Variants in CCDC7 observed in about 807,000 individuals in gnomAD.
CCDC7 encodes the protein coiled-coil domain-containing protein 7.
A neutral mutation model predicts 196.9 loss-of-function variants in CCDC7; 183 were observed. The ratio of observed to expected loss-of-function variants is 0.93; its 90% confidence interval spans 0.82 to 1.05. The LOEUF is 1.05. Among genes scored for constraint, CCDC7 ranks in the 50% least tolerant of loss-of-function variants. CCDC7 has a pLI of 0.00. For missense variants in CCDC7, 1,540 were observed against 1,482.2 expected (o/e 1.04, Z -0.64); for synonymous variants, 525 against 484.6 (o/e 1.08, Z -1.10).
chr10:32,729,130 C>T, intron 27 of CCDC7, 133 bp downstream of exon 28: 2 of 810,522 alleles, frequency 2.5e-6, no homozygotes, highest in Non-Finnish European at 1.9e-6. Flanking sequence ...TGTGAATACC[C>T]TATGATAACT....
intron 19 of CCDC7, among the ~76,000 whole-genome samples, 165 bp from the exon 21 acceptor site, chr10:32,634,892 C>CCA (rs201600634): frequency 0.017 from 2,594 of 152,290 alleles, 34 homozygotes; most frequent in South Asian, 0.038. Flanking sequence ...AAGATTGCCT[C>CCA]CACACATGAG....
chr10:32,574,667 C>A, intron 16 of CCDC7: 1 of 326,792 alleles, frequency 3.1e-6, no homozygotes, highest in African/African-American at 2.2e-5. Context: ...GCGTTGTTAG[C>A]TTTTCTTAAA....
At chr10:32,859,533 C>G (rs189168385) in intron 41 of CCDC7, among the ~76,000 whole-genome samples, 3 of 151,852 alleles carry the variant, frequency 2.0e-5, no homozygotes, top group African/African-American at 7.3e-5. Context: ...GCGAACAAAT[C>G]CAAAAGCTAG....
intron 11 of CCDC7, among the ~76,000 whole-genome samples, chr10:32,528,420 C>T (rs553877411): frequency 8.2e-5 from 12 of 147,112 alleles, no homozygotes; most frequent in South Asian, 6.9e-4. Flanking sequence ...TCCTTTCCCC[C>T]GAGTCCTCAA....
rs71030014 is a variant in CCDC7, at chr10:32,828,439, G to GAGAAGAAGAAGAAGA, written c.3268+3848_3268+3862dup. 4.9e-4 allele frequency among the ~76,000 whole-genome samples: 28 copies of GAGAAGAAGAAGAAGA among 56,828 alleles called. 1 individual carries two copies. The highest frequency in any genetic ancestry group is 9.2e-4 in the African/African-American group (21 of 22,722). 37.3% of individuals were successfully genotyped at this position (56,828 alleles called of 152,430 possible). ...AGGAGAAGAAGAAGAAGGAAGGAAG[G>GAGAAGAAGAAGAAGA]AGAAGAAGAAGAAGAAGAAGAAGAA... is the stretch of plus-strand genomic sequence containing the variant. On this transcript the variant is annotated intron_variant, in intron 32 of 41. Coordinates refer to ENST00000639629, the Ensembl canonical transcript of CCDC7.
intron 30 of CCDC7, 75 bp from the exon 32 acceptor site, chr10:32,814,285 CACATATATGT>C: frequency 1.1e-6 from 1 of 942,166 alleles, no homozygotes; most frequent in East Asian, 2.5e-5. Flanking sequence ...GTAACACACA[CACATATATGT>C]ACATGCACTC....
intron 21 of CCDC7, among the ~76,000 whole-genome samples, chr10:32,683,262 G>A (rs1414589214): frequency 6.6e-6 from 1 of 152,134 alleles, no homozygotes; most frequent in Non-Finnish European, 1.5e-5. Context: ...TCCTTTCCCT[G>A]TTGCTTGGTT....
chr10:32,622,701 C>T lies in CCDC7; in HGVS notation c.1802-11553C>T, dbSNP rs375151553. Among the ~76,000 whole-genome samples, 35 of 151,934 alleles carry T rather than the reference C, an allele frequency of 2.3e-4. No individual in the cohort carries two copies. In the East Asian group the frequency reaches 6.0e-3, roughly 26 times the overall value. On this transcript the variant is annotated intron_variant, in intron 18 of 41. Coordinates refer to ENST00000639629, the Ensembl canonical transcript of CCDC7. ...TTCTCCATCCACTAGATGCTAGTAG[C>T]GACCCTCAGTTGTAAGAAAGAAAAA...
intron 8 of CCDC7, among the ~76,000 whole-genome samples, chr10:32,491,554 T>C (rs2042154143): frequency 6.6e-6 from 1 of 152,186 alleles, no homozygotes; most frequent in Non-Finnish European, 1.5e-5. Context: ...CCCTCTGATA[T>C]TCCATATCAT....
At chr10:32,662,997 G>C (rs2071830658) in intron 20 of CCDC7, among the ~76,000 whole-genome samples, 2 of 149,778 alleles carry the variant, frequency 1.3e-5, no homozygotes, top group Non-Finnish European at 3.0e-5. Flanking sequence ...GACCAAATTA[G>C]TCAGAGGCCG....
At chr10:32,644,226 C>G (rs1286406755) in intron 20 of CCDC7, among the ~76,000 whole-genome samples, 1 of 152,088 alleles carries the variant, frequency 6.6e-6, no homozygotes, top group Non-Finnish European at 1.5e-5. Context: ...TCTTGTCTAG[C>G]TATCTTGAAT....
At chr10:32,634,468 C>G in intron 19 of CCDC7, 104 bp downstream of exon 20, 1 of 390,006 alleles carries the variant, frequency 2.6e-6, no homozygotes, top group Non-Finnish European at 4.2e-6. Flanking sequence ...ATGATCTTGG[C>G]TCACTGCAAC....
At chr10:32,584,744 C>A (rs1234022212) in intron 18 of CCDC7, among the ~76,000 whole-genome samples, 2 of 91,710 alleles carry the variant, frequency 2.2e-5, no homozygotes, top group African/African-American at 4.5e-5. Flanking sequence ...CAGAGTGACA[C>A]TTCATCTCAA....
chr10:32,740,251 G>T (rs938444730), intron 28 of CCDC7, among the ~76,000 whole-genome samples: 20 of 152,128 alleles, frequency 1.3e-4, no homozygotes, highest in Non-Finnish European at 4.4e-5. Context: ...TGATAAAATA[G>T]TTTCCCTTGA....
chr10:32,817,056 C>T (rs1349291641), intron 31 of CCDC7, among the ~76,000 whole-genome samples: 3 of 151,846 alleles, frequency 2.0e-5, no homozygotes, highest in Non-Finnish European at 4.4e-5. Flanking sequence ...GCAGGAAGTT[C>T]GAACCCATGG....
At chr10:32,669,837 A>T (rs887387527) in intron 21 of CCDC7, among the ~76,000 whole-genome samples, 3 of 152,088 alleles carry the variant, frequency 2.0e-5, no homozygotes, top group Non-Finnish European at 4.4e-5. Context: ...ATTCTAATTT[A>T]TTAACTCATC....
chr10:32,642,167 T>A (rs1194813564), intron 20 of CCDC7, among the ~76,000 whole-genome samples: 2 of 152,216 alleles, frequency 1.3e-5, no homozygotes, highest in African/African-American at 4.8e-5. Flanking sequence ...ACCACTACTC[T>A]CTTCAAAGCT....
At chr10:32,822,976 C>T (rs2090507112) in intron 31 of CCDC7, among the ~76,000 whole-genome samples, 1 of 152,136 alleles carries the variant, frequency 6.6e-6, no homozygotes, top group Admixed American at 6.5e-5. Context: ...TCTAAAAATC[C>T]TCTGATTTCT....
At chr10:32,532,495 A>G (rs117042967) in intron 11 of CCDC7, among the ~76,000 whole-genome samples, 19 of 152,310 alleles carry the variant, frequency 1.2e-4, no homozygotes, top group Non-Finnish European at 2.5e-4. Flanking sequence ...GATGAAAACA[A>G]TGTGTATTCT....
Sources: allele counts gnomAD v4.1 joint callset (sites outside exome capture counted in the v4.1 genomes callset), GRCh38; gene constraint gnomAD v4.1.1; transcripts MANE v1.5; gene names NCBI Gene and HGNC (gene_info 2026-07-23, HGNC 2026-07-21).